The following PPP2R5A variants were observed in gnomAD, a reference collection of about 807,000 sequenced individuals.
PPP2R5A encodes the protein protein phosphatase 2 regulatory subunit B'alpha.
In PPP2R5A, 25 loss-of-function variants were observed where a neutral mutation model predicts 64.2. The observed-to-expected ratio is 0.39, with a 90% CI of 0.28 to 0.54. PPP2R5A has a LOEUF of 0.54. Among genes scored for constraint, PPP2R5A ranks in the 20% least tolerant of loss-of-function variants. PPP2R5A has a pLI of 0.67. For synonymous variants in PPP2R5A, 198 were observed against 201.2 expected, an observed-to-expected ratio of 0.98 and a Z score of 0.13; for missense variants, 425 against 576.3, an observed-to-expected ratio of 0.74 and a Z score of 2.69.
rs1303481279 is a variant in PPP2R5A, at chr1:212,360,796, A to G, written c.*26A>G. 6.7e-7 allele frequency: 1 copy of G among 1,500,366 alleles called. No individual in the cohort carries two copies. Among genetic ancestry groups the G allele is most frequent in the Non-Finnish European group, 8.9e-7 (1 of 1,126,598 alleles). 92.9% of individuals were successfully genotyped at this position (1,500,366 alleles called of 1,614,324 possible). ...AAAAAAAGCCTCCCACCTCTGCCGG[A>G]TAGGCAGAGTTTTGTATGCTTTTTT... On this transcript the variant is annotated 3_prime_UTR_variant, in exon 13 of 13. Transcript: ENST00000261461.
At chr1:212,302,294 T>C (rs1658812595) in intron 1 of PPP2R5A, among the ~76,000 whole-genome samples, 1 of 152,220 alleles carries the variant, frequency 6.6e-6, no homozygotes, top group African/African-American at 2.4e-5. Context: ...GTGGCCATCT[T>C]AATAAGCTAT....
At chr1:212,333,719 C>T in intron 3 of PPP2R5A, 121 bp downstream of exon 3, 1 of 519,614 alleles carries the variant, frequency 1.9e-6, no homozygotes, top group Non-Finnish European at 3.3e-6. Context: ...GTTTTATTAA[C>T]ATTATCTTCT....
At chr1:212,354,641 C>A (rs1659945952) in intron 8 of PPP2R5A, among the ~76,000 whole-genome samples, 1 of 151,624 alleles carries the variant, frequency 6.6e-6, no homozygotes, top group Non-Finnish European at 1.5e-5. Context: ...CCTAGGAGTT[C>A]AAGGTTACAA....
intron 3 of PPP2R5A, among the ~76,000 whole-genome samples, chr1:212,339,321 G>A (rs1659645498): frequency 6.6e-6 from 1 of 152,126 alleles, no homozygotes; most frequent in Non-Finnish European, 1.5e-5. Flanking sequence ...GGGATTACAG[G>A]CATGCACCAC....
intron 9 of PPP2R5A, 100 bp from the exon 10 acceptor site, chr1:212,356,850 T>C (rs792439): frequency 0.98 from 1,261,680 of 1,283,894 alleles, 619,991 homozygotes; most frequent in East Asian, 1. Context: ...ATTTTTTTGC[T>C]TATTGTATAC....
At chr1:212,290,729 A>G (rs1038454446) in intron 1 of PPP2R5A, among the ~76,000 whole-genome samples, 12 of 152,338 alleles carry the variant, frequency 7.9e-5, no homozygotes, top group African/African-American at 2.9e-4. Context: ...CTAACTGAAT[A>G]AAGTGCTAAT....
At chr1:212,330,392 A>G (rs1659482227) in intron 2 of PPP2R5A, among the ~76,000 whole-genome samples, 1 of 151,984 alleles carries the variant, frequency 6.6e-6, no homozygotes, top group Admixed American at 6.6e-5. Flanking sequence ...AAAAATAAAA[A>G]TATTAGCTAG....
intron 1 of PPP2R5A, among the ~76,000 whole-genome samples, chr1:212,307,533 G>A (rs1253918065): frequency 1.3e-5 from 2 of 151,840 alleles, no homozygotes; most frequent in African/African-American, 2.4e-5. Context: ...CCTTTGTGCT[G>A]TTATTAGCAA....
intron 1 of PPP2R5A, chr1:212,313,757 T>G (rs1250718090): frequency 6.6e-6 from 1 of 152,176 alleles, no homozygotes; most frequent in East Asian, 1.9e-4. Flanking sequence ...CCTTATTTTT[T>G]TTTCCTCAGT....
chr1:212,322,223 AGAGGGAGAGGGAGAGGGAGAG>A lies in PPP2R5A; in HGVS notation c.182-6874_182-6854del, dbSNP rs776171939. Reference sequence around the variant, plus strand: ...CCGTGGGGAGAGGGAGACTGTGGGGAGAGGGAGAGGGAGAGGGAGAGGAGGGAGAGGGAGAGGGAGAGGAGG... The same window carrying A: ...CCGTGGGGAGAGGGAGACTGTGGGGAGAGGGAGAGGGAGAGGGAGAGGAGG... On this transcript the variant is annotated intron_variant, in intron 1 of 12. Transcript: ENST00000261461. Among the ~76,000 whole-genome samples the A allele has an allele frequency of 1.1e-4, 8 of 71,098 alleles. No individual in the cohort carries two copies. In the East Asian group the frequency reaches 1.3e-3, roughly 12 times the overall value. The allele number at this position is 71,098 out of a possible 152,430, so 46.6% of individuals were successfully genotyped here.
chr1:212,358,895 G>C, intron 12 of PPP2R5A, 108 bp downstream of exon 12: 4 of 781,834 alleles, frequency 5.1e-6, no homozygotes, highest in Non-Finnish European at 8.0e-6. Flanking sequence ...TATTTAAGAA[G>C]TTAATTACCT....
At chr1:212,323,783 G>A (rs1659357160) in intron 1 of PPP2R5A, among the ~76,000 whole-genome samples, 1 of 152,062 alleles carries the variant, frequency 6.6e-6, no homozygotes, top group Admixed American at 6.6e-5. Context: ...TAAAAAATGT[G>A]TAACATGGGG....
chr1:212,360,367 C>T (rs1377457890), intron 12 of PPP2R5A, among the ~76,000 whole-genome samples: 1 of 152,104 alleles, frequency 6.6e-6, no homozygotes, highest in Admixed American at 6.5e-5. Context: ...ACTTTGTTGA[C>T]TATAAAGTAC....
chr1:212,355,253 A>G (rs1659958626), intron 8 of PPP2R5A, among the ~76,000 whole-genome samples: 1 of 151,512 alleles, frequency 6.6e-6, no homozygotes, highest in African/African-American at 2.4e-5. Flanking sequence ...CACATACTGA[A>G]TTTTCCTACT....
At chr1:212,333,430 T>C in intron 2 of PPP2R5A, 67 bp from the exon 3 acceptor site, 1 of 1,035,984 alleles carries the variant, frequency 9.7e-7, no homozygotes, top group Non-Finnish European at 1.3e-6. Context: ...TTTAAAATAC[T>C]TCGTTTTGAA....
chr1:212,331,203 C>G (rs537124071), intron 2 of PPP2R5A, among the ~76,000 whole-genome samples: 1 of 151,088 alleles, frequency 6.6e-6, no homozygotes, highest in Non-Finnish European at 1.5e-5. Flanking sequence ...TCTCTTTTCC[C>G]AGGCTGGAGT....
At chr1:212,290,221 ATGTG>A (rs1658576346) in intron 1 of PPP2R5A, among the ~76,000 whole-genome samples, 1 of 152,168 alleles carries the variant, frequency 6.6e-6, no homozygotes, top group African/African-American at 2.4e-5. Context: ...AGGGGGAAAA[ATGTG>A]TGTGTTTTCT....
intron 2 of PPP2R5A, among the ~76,000 whole-genome samples, chr1:212,330,030 A>G (rs1417113042): frequency 6.6e-6 from 1 of 152,216 alleles, no homozygotes; most frequent in Non-Finnish European, 1.5e-5. Context: ...GGAGTCAGGT[A>G]TAACGCTTTA....
At chr1:212,297,782 G>A (rs1658725181) in intron 1 of PPP2R5A, 1 of 150,848 alleles carries the variant, frequency 6.6e-6, no homozygotes, top group African/African-American at 2.4e-5. Context: ...TTATGAATGA[G>A]TACTGAGAAA....
Sources: gnomAD v4.1 joint callset for allele counts (sites outside exome capture counted in the v4.1 genomes callset) on GRCh38, gnomAD v4.1.1 for gene constraint, MANE v1.5 for transcripts, NCBI Gene and HGNC (gene_info 2026-07-23, HGNC 2026-07-21) for gene names.